PECAM1: variants seen among roughly 807,000 people sequenced by gnomAD.
The protein encoded by PECAM1 is platelet endothelial cell adhesion molecule.
A neutral mutation model predicts 13.8 loss-of-function variants in PECAM1; 8 were observed. The observed-to-expected ratio is 0.58, with a 90% CI of 0.34 to 1.05. The LOEUF is 1.05. Among genes scored for constraint, PECAM1 ranks in the 50% least tolerant of loss-of-function variants. The probability of loss-of-function intolerance (pLI) is 0.03; values close to 1 mark genes in which losing one functional copy is unlikely to be tolerated. For synonymous variants in PECAM1, 136 were observed against 52.6 expected (o/e 2.58, Z -6.86); for missense variants, 304 against 141.2 (o/e 2.15, Z -5.84).
At chr17:64,367,327 G>A (rs2036131704) in intron 5 of PECAM1, among the ~76,000 whole-genome samples, 1 of 152,010 alleles carries the variant, frequency 6.6e-6, no homozygotes, top group Non-Finnish European at 1.5e-5. Flanking sequence ...CGAGGTGGAC[G>A]GATCACAATG....
chr17:64,339,524 T>A (rs2035372038), intron 14 of PECAM1, among the ~76,000 whole-genome samples: 1 of 150,218 alleles, frequency 6.7e-6, no homozygotes, highest in African/African-American at 2.5e-5. Context: ...ACCAAGAAAG[T>A]AGAAGGGGCA....
rs978332483 is a variant in PECAM1 at position 64,345,529 on chromosome 17, A to C, written c.2107+2731T>G. Among the ~76,000 whole-genome samples the C allele has an allele frequency of 1.1e-3, 172 of 152,064 alleles. 2 individuals are homozygous for C. The highest frequency in any genetic ancestry group is 3.9e-3 in the African/African-American group (161 of 41,484). On this transcript the variant is annotated intron_variant, in intron 13 of 15. Transcript: ENST00000563924. ...GGAGTTGGAGACCAGCCTGGCCAAC[A>C]TGGTGAAACCCTGTCTCTACTAAAA...
In PECAM1 at chr17:64,322,993, C is replaced by T. The variant is rs1598266348; in HGVS notation, c.*823G>A. Reference sequence around the variant, plus strand: ...AAGTGCTGGGATTACAGGCGTGAGCCACCTTGCCTGCCCTGGCAAGGAATA... The same window carrying T: ...AAGTGCTGGGATTACAGGCGTGAGCTACCTTGCCTGCCCTGGCAAGGAATA... On this transcript the variant is annotated 3_prime_UTR_variant, in exon 16 of 16. Transcript: ENST00000563924. 1 of 961,850 alleles carries T rather than the reference C, an allele frequency of 1.0e-6. No homozygotes were observed. The highest frequency in any genetic ancestry group is 4.8e-5 in the South Asian group (1 of 20,802). 59.6% of individuals were successfully genotyped at this position (961,850 alleles called of 1,614,324 possible). A position where few individuals can be genotyped will look rare whatever the true frequency, so the allele number is the denominator to read the frequency against.
At chr17:64,381,285 AAC>A (rs1249073569) in intron 2 of PECAM1, among the ~76,000 whole-genome samples, 1 of 152,188 alleles carries the variant, frequency 6.6e-6, no homozygotes, top group African/African-American at 2.4e-5. Context: ...TTTGATTGTT[AAC>A]ACACAGCAAA....
intron 9 of PECAM1, 36 bp downstream of exon 9, chr17:64,354,897 C>T (rs1432964700): frequency 2.1e-6 from 1 of 474,806 alleles, no homozygotes; most frequent in Admixed American, 3.2e-5. Flanking sequence ...CTGGCAAGGA[C>T]GACCAGTCAG....
chr17:64,381,956 C>T (rs992691228), intron 2 of PECAM1, among the ~76,000 whole-genome samples: 20 of 152,138 alleles, frequency 1.3e-4, no homozygotes, highest in African/African-American at 3.6e-4. Flanking sequence ...CAAAATTAGC[C>T]GGGTGTGGTG....
chr17:64,361,169 C>A (rs1026030744), intron 6 of PECAM1, among the ~76,000 whole-genome samples: 34 of 98,154 alleles, frequency 3.5e-4, no homozygotes, highest in Admixed American at 2.0e-3. Context: ...GTTCTGAGAC[C>A]GAGTCTTGCT....
chr17:64,336,427 T>A (rs1220867119), intron 14 of PECAM1, among the ~76,000 whole-genome samples: 1 of 152,030 alleles, frequency 6.6e-6, no homozygotes, highest in Non-Finnish European at 1.5e-5. Flanking sequence ...TGGAGAATCA[T>A]CTAACTCCCC....
rs1253844541 is a variant in PECAM1, at chr17:64,379,567, T to C, written c.92-1450A>G. On this transcript the variant is annotated intron_variant, in intron 2 of 15. Coordinates refer to ENST00000563924, the MANE Select transcript of PECAM1 (RefSeq NM_000442.5). Reference sequence around the variant, plus strand: ...TGCTTCTGCAGCCCACTTGTGGTCTTAGTTTTACCCCTTGACATATCTCAA... The same window carrying C: ...TGCTTCTGCAGCCCACTTGTGGTCTCAGTTTTACCCCTTGACATATCTCAA... Among the ~76,000 whole-genome samples the C allele has an allele frequency of 9.2e-5, 14 of 152,270 alleles. 1 individual carries two copies. Among genetic ancestry groups the C allele is most frequent in the Non-Finnish European group, 4.4e-5 (3 of 68,006 alleles).
intron 10 of PECAM1, 62 bp downstream of exon 10, chr17:64,353,429 T>C: frequency 2.3e-6 from 1 of 442,324 alleles, no homozygotes; most frequent in Non-Finnish European, 4.1e-6. Context: ...GACCAGAATC[T>C]CCCTCCAGAC....
At chr17:64,327,670 C>T (rs189030311) in intron 15 of PECAM1, among the ~76,000 whole-genome samples, 66 of 152,288 alleles carry the variant, frequency 4.3e-4, no homozygotes, top group African/African-American at 1.5e-3. Flanking sequence ...CTGTCTGCGT[C>T]GGCCACACAC....
At chr17:64,350,798 A>T (rs973888215) in intron 11 of PECAM1, among the ~76,000 whole-genome samples, 110 of 151,984 alleles carry the variant, frequency 7.2e-4, no homozygotes, top group Admixed American at 7.2e-3. Context: ...CCTGGCCTCA[A>T]GTGATCCTCC....
At chr17:64,371,501 TC>T (rs1170646521) in intron 4 of PECAM1, among the ~76,000 whole-genome samples, 1 of 151,772 alleles carries the variant, frequency 6.6e-6, no homozygotes, top group Non-Finnish European at 1.5e-5. Flanking sequence ...GGTGAGACCC[TC>T]CATCTCAAAA....
intron 2 of PECAM1, among the ~76,000 whole-genome samples, chr17:64,385,196 G>A (rs931612292): frequency 4.6e-5 from 7 of 152,332 alleles, no homozygotes; most frequent in East Asian, 1.9e-4. Flanking sequence ...TTTTCAACCC[G>A]GGGAGATGAA....
chr17:64,333,613 AAAATGGT>A (rs1243838524), intron 14 of PECAM1, among the ~76,000 whole-genome samples: 2 of 152,118 alleles, frequency 1.3e-5, no homozygotes, highest in African/African-American at 4.8e-5. Context: ...ACTTAGAGTT[AAAATGGT>A]AAATTTTATG....
In PECAM1 at chr17:64,323,794, G is replaced by A. The variant is rs782226891; in HGVS notation, c.*22C>T. 1 of 974,166 alleles carries A rather than the reference G, an allele frequency of 1.0e-6. No individual in the cohort carries two copies. The allele number at this position is 974,166 out of a possible 1,614,324, so 60.3% of individuals were successfully genotyped here. ...CTCGGAACATGGATGTCCTTCCAGG[G>A]ATGTGCATCTGGCCTTGCTGTCTAA... On this transcript the variant is annotated 3_prime_UTR_variant, in exon 16 of 16. Transcript: ENST00000563924.
chr17:64,329,382 T>G (rs1156491625), intron 15 of PECAM1, among the ~76,000 whole-genome samples: 1 of 152,162 alleles, frequency 6.6e-6, no homozygotes, highest in Non-Finnish European at 1.5e-5. Flanking sequence ...CCTCCAAGCA[T>G]ACACCCTAGA....
At chr17:64,386,025 C>T (rs1344640361) in intron 2 of PECAM1, among the ~76,000 whole-genome samples, 2 of 152,126 alleles carry the variant, frequency 1.3e-5, no homozygotes, top group East Asian at 3.8e-4. Context: ...GGAAGTGGTT[C>T]AGGTGAAAGC....
At chr17:64,332,169 C>G (rs1468021183) in intron 14 of PECAM1, among the ~76,000 whole-genome samples, 1 of 152,188 alleles carries the variant, frequency 6.6e-6, no homozygotes, top group Non-Finnish European at 1.5e-5. Flanking sequence ...GGCCCTTTTT[C>G]TGTCCTGGCT....
Sources: allele counts gnomAD v4.1 joint callset (sites outside exome capture counted in the v4.1 genomes callset), GRCh38; gene constraint gnomAD v4.1.1; transcripts MANE v1.5; gene names NCBI Gene and HGNC (gene_info 2026-07-23, HGNC 2026-07-21).